PDE1A: variants seen among roughly 807,000 people sequenced by gnomAD.
The protein encoded by PDE1A is dual specificity calcium/calmodulin-dependent 3',5'-cyclic nucleotide phosphodiesterase 1A.
In PDE1A, 35 loss-of-function variants were observed where a neutral mutation model predicts 61.7. The ratio of observed to expected loss-of-function variants is 0.57; its 90% CI spans 0.43 to 0.75. PDE1A has a LOEUF of 0.75. PDE1A is among the 30% of genes least tolerant of loss of function. The probability of loss-of-function intolerance (pLI) is 0.00; values close to 1 mark genes in which losing one functional copy is unlikely to be tolerated. For synonymous variants in PDE1A, 232 were observed against 213.2 expected (o/e 1.09, Z -0.77); for missense variants, 597 against 630.6 (o/e 0.95, Z 0.57).
exon 15 of PDE1A, chr2:182,140,790 C>T (rs1574479736): frequency 6.6e-6 from 1 of 151,780 alleles, no homozygotes; most frequent in African/African-American, 2.4e-5. Context: ...CTAATTAGTG[C>T]TCAGTAGTAG....
chr2:182,404,056 T>TA (rs551946996), intron 1 of PDE1A, among the ~76,000 whole-genome samples: 3 of 130,852 alleles, frequency 2.3e-5, no homozygotes, highest in Non-Finnish European at 3.3e-5. Context: ...ATTTTTTTTT[T>TA]AAAAAAAGTC....
intron 13 of PDE1A, among the ~76,000 whole-genome samples, chr2:182,156,703 A>G (rs1166614747): frequency 6.6e-6 from 1 of 152,176 alleles, no homozygotes; most frequent in Non-Finnish European, 1.5e-5. Context: ...TCTTTTTACT[A>G]CTATTCTCTG....
At chr2:182,464,870 C>T (rs1016624953) in intron 2 of PDE1A, among the ~76,000 whole-genome samples, 4 of 152,020 alleles carry the variant, frequency 2.6e-5, no homozygotes, top group Admixed American at 2.0e-4. Context: ...TGCACAGACC[C>T]TTTAGCTTTT....
intron 13 of PDE1A, chr2:182,168,326 T>A (rs1255200801): frequency 6.5e-7 from 1 of 1,546,126 alleles, no homozygotes; most frequent in Non-Finnish European, 8.7e-7. Context: ...TTTAATAATT[T>A]AGAGAAAATG....
chr2:182,563,830 T>A, the PDE1A span, among the ~76,000 whole-genome samples: 1 of 152,206 alleles, frequency 6.6e-6, no homozygotes, highest in East Asian at 1.9e-4. Context: ...TTGTCTCTTT[T>A]GATCTTTGTT....
chr2:182,467,232 A>AT (rs1268895277), intron 2 of PDE1A, among the ~76,000 whole-genome samples: 1 of 151,878 alleles, frequency 6.6e-6, no homozygotes, highest in Non-Finnish European at 1.5e-5. Flanking sequence ...CTCACTACAG[A>AT]TTTTATGGAC....
At chr2:182,679,466 G>A in the PDE1A span, among the ~76,000 whole-genome samples, 4 of 150,230 alleles carry the variant, frequency 2.7e-5, no homozygotes, top group Non-Finnish European at 4.4e-5. Context: ...CTCCCAAAGT[G>A]CTGAGATTAC....
chr2:182,218,281 A>AG (rs1474924494), intron 7 of PDE1A, among the ~76,000 whole-genome samples: 2 of 81,502 alleles, frequency 2.5e-5, no homozygotes, highest in African/African-American at 5.0e-5. Flanking sequence ...GGGTCGGGGG[A>AG]GGGGGGAGGG....
chr2:182,513,002 G>A (rs1689902904), intron 2 of PDE1A, among the ~76,000 whole-genome samples: 1 of 152,130 alleles, frequency 6.6e-6, no homozygotes, highest in African/African-American at 2.4e-5. Flanking sequence ...GAGGGAGAGA[G>A]AGCAAGCAAC....
chr2:182,213,175 A>G (rs878933766), intron 7 of PDE1A, among the ~76,000 whole-genome samples: 1 of 150,102 alleles, frequency 6.7e-6, no homozygotes, highest in Non-Finnish European at 1.5e-5. Context: ...CTCACACGGC[A>G]GGGTATTCCA....
chr2:182,173,558 TATA>T (rs10601832), intron 13 of PDE1A, among the ~76,000 whole-genome samples: 30,815 of 151,060 alleles, frequency 0.2, 3,356 homozygotes, highest in East Asian at 0.32. Context: ...AAATATATAA[TATA>T]ATAATTTAAT....
the PDE1A span, among the ~76,000 whole-genome samples, chr2:182,687,892 C>T: frequency 2.0e-5 from 3 of 152,018 alleles, no homozygotes; most frequent in East Asian, 1.9e-4. Flanking sequence ...GCAAAAGCTT[C>T]GTAGCCGATT....
the PDE1A span, among the ~76,000 whole-genome samples, chr2:182,595,080 A>G: frequency 7.7e-4 from 118 of 152,334 alleles, no homozygotes; most frequent in Non-Finnish European, 1.3e-3. Context: ...TCTAGAAAAG[A>G]AATGGACGAT....
chr2:182,245,070 CT>C (rs1372840082), intron 2 of PDE1A, among the ~76,000 whole-genome samples: 5 of 152,170 alleles, frequency 3.3e-5, no homozygotes, highest in Non-Finnish European at 5.9e-5. Flanking sequence ...TTAACTTGAC[CT>C]TTTTATTCTC....
chr2:182,340,009 G>A (rs538603893), intron 1 of PDE1A, among the ~76,000 whole-genome samples: 3 of 152,100 alleles, frequency 2.0e-5, no homozygotes, highest in East Asian at 1.9e-4. Flanking sequence ...CTCTTGCTGC[G>A]TAGTTTGGGC....
At chr2:182,465,413 AT>A (rs72396359) in intron 2 of PDE1A, among the ~76,000 whole-genome samples, 11,962 of 151,108 alleles carry the variant, frequency 0.079, 506 homozygotes, top group African/African-American at 0.11. Flanking sequence ...AAAAATTTTA[AT>A]TTTTTTTTTA....
At chr2:182,700,738 A>AAAAAAAAAAAAAAAAAAAAAC in the PDE1A span, among the ~76,000 whole-genome samples, 1 of 143,806 alleles carries the variant, frequency 7.0e-6, no homozygotes, top group Non-Finnish European at 1.5e-5. Flanking sequence ...AAAAAAAAAA[A>AAAAAAAAAAAAAAAAAAAAAC]AACAGAAAGA....
chr2:182,195,913 A>G (rs369820702), intron 10 of PDE1A, among the ~76,000 whole-genome samples: 3 of 152,100 alleles, frequency 2.0e-5, no homozygotes, highest in Non-Finnish European at 2.9e-5. Context: ...GACACAGTTC[A>G]ATATCTTATG....
chr2:182,691,957 A>T, the PDE1A span, among the ~76,000 whole-genome samples: 3 of 152,344 alleles, frequency 2.0e-5, no homozygotes, highest in South Asian at 4.1e-4. Flanking sequence ...ATAAATGCAA[A>T]TCAAAACCAC....
Sources: gnomAD v4.1 joint callset for allele counts (sites outside exome capture counted in the v4.1 genomes callset) on GRCh38, gnomAD v4.1.1 for gene constraint, MANE v1.5 for transcripts, NCBI Gene and HGNC (gene_info 2026-07-23, HGNC 2026-07-21) for gene names.